Variants in POT1 observed in about 807,000 individuals in gnomAD.
POT1 encodes protection of telomeres protein 1.
A neutral mutation model predicts 78.5 loss-of-function variants in POT1; 47 were observed. The observed-to-expected ratio is 0.60, with a 90% CI of 0.47 to 0.76. The LOEUF is 0.76. POT1 is among the 30% of genes least tolerant of loss of function. The probability of loss-of-function intolerance (pLI) is 0.00; values close to 1 mark genes in which losing one functional copy is unlikely to be tolerated. For missense variants in POT1, 646 were observed against 749.9 expected (o/e 0.86, Z 1.62); for synonymous variants, 259 against 260.7 (o/e 0.99, Z 0.06).
At chr7:124,844,834 C>A (rs1185809088) in intron 12 of POT1, among the ~76,000 whole-genome samples, 1 of 151,250 alleles carries the variant, frequency 6.6e-6, no homozygotes, top group African/African-American at 2.4e-5. Context: ...CATATTTTAA[C>A]CTAAAGTTTT....
At chr7:124,836,839 C>T (rs557655888) in intron 14 of POT1, among the ~76,000 whole-genome samples, 2 of 152,246 alleles carry the variant, frequency 1.3e-5, no homozygotes, top group South Asian at 4.2e-4. Context: ...TAGTGATTTC[C>T]TCTTAATGTA....
chr7:124,896,273 T>C (rs1054320643), intron 5 of POT1, among the ~76,000 whole-genome samples: 1 of 151,732 alleles, frequency 6.6e-6, no homozygotes, highest in Non-Finnish European at 1.5e-5. Context: ...AAAAATATTT[T>C]TGCAAAGTTC....
At chr7:124,832,017 A>AT (rs1794772798) in intron 15 of POT1, among the ~76,000 whole-genome samples, 8 of 150,496 alleles carry the variant, frequency 5.3e-5, no homozygotes, top group African/African-American at 7.3e-5. Flanking sequence ...AAAAAAAAAA[A>AT]AAAAAGTTTG....
At chr7:124,857,187 G>C (rs1468721074) in intron 9 of POT1, among the ~76,000 whole-genome samples, 1 of 152,218 alleles carries the variant, frequency 6.6e-6, no homozygotes, top group Non-Finnish European at 1.5e-5. Context: ...TTGAAATTCA[G>C]ATCTTCACTC....
intron 2 of POT1, among the ~76,000 whole-genome samples, chr7:124,915,995 A>T (rs568393435): frequency 9.9e-5 from 15 of 152,282 alleles, no homozygotes; most frequent in African/African-American, 3.6e-4. Flanking sequence ...GCTCCTAGAA[A>T]GAAATGAAAA....
intron 3 of POT1, among the ~76,000 whole-genome samples, chr7:124,906,025 T>G (rs1454550086): frequency 1.3e-5 from 2 of 152,110 alleles, no homozygotes. Context: ...TAGGAACACT[T>G]TTACACTGTT....
At chr7:124,928,447 C>T (rs1797328735) in intron 2 of POT1, among the ~76,000 whole-genome samples, 1 of 152,192 alleles carries the variant, frequency 6.6e-6, no homozygotes, top group Admixed American at 6.5e-5. Context: ...GCTCAACTTT[C>T]GTGATCTGTC....
intron 8 of POT1, among the ~76,000 whole-genome samples, chr7:124,859,796 G>A (rs1795541929): frequency 6.8e-6 from 1 of 146,362 alleles, no homozygotes. Flanking sequence ...AAAACAAATA[G>A]AATATATACA....
chr7:124,900,394 A>T (rs552582669), intron 3 of POT1, among the ~76,000 whole-genome samples: 128 of 152,258 alleles, frequency 8.4e-4, no homozygotes, highest in Admixed American at 2.8e-3. Context: ...TCTCAGAAAC[A>T]AGTAATTCTA....
chr7:124,927,990 C>G (rs1383319507), intron 2 of POT1, among the ~76,000 whole-genome samples: 1 of 152,136 alleles, frequency 6.6e-6, no homozygotes, highest in Non-Finnish European at 1.5e-5. Flanking sequence ...AGGCAAATTG[C>G]TTAACCTTTC....
At chr7:124,919,820 A>G (rs1435685387) in intron 2 of POT1, among the ~76,000 whole-genome samples, 1 of 152,100 alleles carries the variant, frequency 6.6e-6, no homozygotes, top group African/African-American at 2.4e-5. Context: ...ACCCTCTTTA[A>G]AAACTGGGGA....
At chr7:124,925,846 C>T (rs1480119402) in intron 2 of POT1, among the ~76,000 whole-genome samples, 1 of 151,992 alleles carries the variant, frequency 6.6e-6, no homozygotes, top group African/African-American at 2.4e-5. Context: ...GGCAAGAACA[C>T]TACACTGGGG....
At chr7:124,838,932 T>G (rs956683188) in intron 14 of POT1, among the ~76,000 whole-genome samples, 10 of 152,150 alleles carry the variant, frequency 6.6e-5, no homozygotes. Context: ...TCCCAGCAAG[T>G]TATTTTTGGA....
chr7:124,921,301 AGCAC>A (rs1797143816), intron 2 of POT1, among the ~76,000 whole-genome samples: 1 of 152,164 alleles, frequency 6.6e-6, no homozygotes, highest in Non-Finnish European at 1.5e-5. Flanking sequence ...ATCAAATCAT[AGCAC>A]TTTATTAATA....
In POT1 at chr7:124,844,214, T is replaced by C. The variant is rs1239684413; in HGVS notation, c.1007-1251A>G. Among the ~76,000 whole-genome samples, 14 of 147,766 alleles carry C rather than the reference T, an allele frequency of 9.5e-5. No homozygotes were observed. In the Admixed American group the frequency reaches 9.5e-4, roughly 10 times the overall value. On this transcript the variant is annotated intron_variant, in intron 12 of 18. Coordinates refer to ENST00000357628, the MANE Select transcript of POT1 (RefSeq NM_015450.3). ...TGCGATCTCTGCTCACCACAACCTC[T>C]ACCTCCCAGGTTCAAGCGATTCTCC...
intron 8 of POT1, among the ~76,000 whole-genome samples, chr7:124,860,723 C>T (rs1257808930): frequency 6.6e-6 from 1 of 152,072 alleles, no homozygotes; most frequent in Non-Finnish European, 1.5e-5. Context: ...CCGTCATCTA[C>T]GTTAGGTATT....
chr7:124,886,834 CT>C, intron 6 of POT1, among the ~76,000 whole-genome samples: 1 of 152,054 alleles, frequency 6.6e-6, no homozygotes, highest in East Asian at 1.9e-4. Flanking sequence ...CTAATAACAA[CT>C]GAAAATTAAT....
intron 11 of POT1, among the ~76,000 whole-genome samples, chr7:124,847,455 T>C (rs545494738): frequency 4.6e-5 from 7 of 152,192 alleles, no homozygotes; most frequent in East Asian, 1.9e-4. Context: ...GATTGTGCCA[T>C]TGCACTCCAG....
rs978736525 is a variant in POT1, at chr7:124,923,643, C to T, written c.-227+5172G>A. ...ATCAATGAAAACTTCCTAAGTCTAG[C>T]AAGAGCATCAGACATCCAGATACAG... On this transcript the variant is annotated intron_variant, in intron 2 of 18. Transcript: ENST00000357628. Among the ~76,000 whole-genome samples the T allele has an allele frequency of 3.3e-5, 5 of 151,516 alleles. 1 individual carries two copies. The highest frequency in any genetic ancestry group is 3.3e-4 in the Admixed American group (5 of 15,198).
Sources: gnomAD v4.1 joint callset for allele counts (sites outside exome capture counted in the v4.1 genomes callset) on GRCh38, gnomAD v4.1.1 for gene constraint, MANE v1.5 for transcripts, NCBI Gene and HGNC (gene_info 2026-07-23, HGNC 2026-07-21) for gene names.